CASZ1: variants seen among roughly 807,000 people sequenced by gnomAD.
CASZ1 encodes the protein castor zinc finger 1.
Under a neutral mutation model 135.2 loss-of-function variants are expected in CASZ1, and 28 were observed. The observed-to-expected ratio is 0.21, with a 90% CI of 0.15 to 0.28. CASZ1 has a LOEUF of 0.28. Among genes scored for constraint, CASZ1 ranks in the 10% least tolerant of loss-of-function variants. The pLI is 1.00. For synonymous variants in CASZ1, 1,068 were observed against 1,073.4 expected, an observed-to-expected ratio of 0.99 and a Z score of 0.10; for missense variants, 2,161 against 2,453.3, an observed-to-expected ratio of 0.88 and a Z score of 2.52.
At chr1:10,744,691 G>A (rs535431851) in intron 2 of CASZ1, among the ~76,000 whole-genome samples, 1 of 131,738 alleles carries the variant, frequency 7.6e-6, no homozygotes, top group South Asian at 2.4e-4. Context: ...GGCACCACGA[G>A]CAGGCATGTC....
rs77244263 is a variant in CASZ1 at position 10,701,888 on chromosome 1, C to G, written c.-24+3604G>C. ...AGCCCATTCCTGCCAGCCTGACAAGCCAGGCCTCAGTTTCTCCACCTCCCC... is the reference window on the plus strand; with the variant it reads ...AGCCCATTCCTGCCAGCCTGACAAGGCAGGCCTCAGTTTCTCCACCTCCCC... On this transcript the variant is annotated intron_variant, in intron 3 of 20. Coordinates refer to ENST00000377022, the MANE Select transcript of CASZ1 (RefSeq NM_001079843.3). This position sits in a 1 kb window ranked among gnomAD's most constrained non-coding sequence, Gnocchi z 6.3. Among the ~76,000 whole-genome samples, 1,161 of 152,288 alleles carry G rather than the reference C, an allele frequency of 7.6e-3. 19 individuals carry two copies. The highest frequency in any genetic ancestry group is 0.027 in the African/African-American group (1,105 of 41,576).
At chr1:10,746,085 C>A (rs1640034782) in intron 2 of CASZ1, among the ~76,000 whole-genome samples, 1 of 152,244 alleles carries the variant, frequency 6.6e-6, no homozygotes, top group Non-Finnish European at 1.5e-5. Flanking sequence ...CAACAGATGA[C>A]CTGCCTGTCG....
chr1:10,655,584 G>T, intron 9 of CASZ1, 65 bp downstream of exon 9: 2 of 1,468,640 alleles, frequency 1.4e-6, no homozygotes, highest in Non-Finnish European at 1.9e-6. Context: ...GGAGTGGGGG[G>T]CTCAGAGCCG....
intron 11 of CASZ1, 198 bp from the exon 12 acceptor site, chr1:10,651,274 A>T: frequency 6.5e-6 from 1 of 154,812 alleles, no homozygotes; most frequent in Admixed American, 9.7e-5. Context: ...TTGCAAAATT[A>T]TGTCAAAGTT....
rs770714087 is a variant in CASZ1 at position 10,657,807 on chromosome 1, CG to C, written c.1409+700del. ...AGGGCAGGCGGTGGGGGGGTGGGGGCGGGGGGTGTTATTTGTGTGATTTGGG... is the reference window on the plus strand; with the variant it reads ...AGGGCAGGCGGTGGGGGGGTGGGGGCGGGGGTGTTATTTGTGTGATTTGGG... On this transcript the variant is annotated intron_variant, in intron 7 of 20. Transcript: ENST00000377022. This position sits in a 1 kb window ranked among gnomAD's most constrained non-coding sequence, Gnocchi z 5.7. 0.052 allele frequency among the ~76,000 whole-genome samples: 426 copies of C among 8,136 alleles called. 1 individual carries two copies. The highest frequency in any genetic ancestry group is 0.07 in the Non-Finnish European group (277 of 3,980). The allele number at this position is 8,136 out of a possible 152,430, so 5.3% of individuals were successfully genotyped here. A position where few individuals can be genotyped will look rare whatever the true frequency, so the allele number is the denominator to read the frequency against.
chr1:10,643,334 C>T (rs1301411845), intron 18 of CASZ1, 23 bp from the exon 19 acceptor site: 2 of 1,610,748 alleles, frequency 1.2e-6, no homozygotes, highest in Admixed American at 1.7e-5. Context: ...CCCCACCTGG[C>T]ATGAGCCCCC....
chr1:10,665,531 G>A lies in CASZ1; in HGVS notation c.57C>T (p.Pro19=). 3 of 1,593,528 alleles carry A rather than the reference G, an allele frequency of 1.9e-6. No individual in the cohort carries two copies. Among genetic ancestry groups the A allele is most frequent in the Non-Finnish European group, 2.6e-6 (3 of 1,175,608 alleles). ...TRCTDPPAGK[P]AMAPKRKGGL... ...CACCCTTGCGTTTGGGCGCCATGGC[G>A]GGCTTGCCTGCAGGCGGGTCCGTGC... The change falls in exon 5 of 21, where the codon CCC becomes CCT. Residue 19 remains proline, a synonymous_variant. Transcript: ENST00000377022.
Position 10,739,499 on chromosome 1 carries a change from G to T in CASZ1, c.-77+21202C>A, listed in dbSNP as rs116497673. Among the ~76,000 whole-genome samples, 1 of 152,050 alleles carries T rather than the reference G, an allele frequency of 6.6e-6. No homozygotes were observed. Among genetic ancestry groups the T allele is most frequent in the Admixed American group, 6.5e-5 (1 of 15,280 alleles). ...CTGCTCTGTAATTAAGCTCAGCTGC[G>T]CCCACTCAGGCTTCCAGACCTTTCC... On this transcript the variant is annotated intron_variant, in intron 2 of 20. Coordinates refer to ENST00000377022, the MANE Select transcript of CASZ1 (RefSeq NM_001079843.3). The surrounding 1 kb of genome is among the most constrained non-coding windows in gnomAD (Gnocchi z 4.8).
intron 1 of CASZ1, among the ~76,000 whole-genome samples, chr1:10,775,085 C>T (rs1640639133): frequency 6.6e-6 from 1 of 152,028 alleles, no homozygotes; most frequent in Admixed American, 6.5e-5. Context: ...ACCAGGCAGT[C>T]GGCCAGAAAA....
chr1:10,794,640 G>A lies in CASZ1; in HGVS notation c.-234+1924C>T, dbSNP rs1006963500. Among the ~76,000 whole-genome samples, 1 of 152,152 alleles carries A rather than the reference G, an allele frequency of 6.6e-6. No individual in the cohort carries two copies. Among genetic ancestry groups the A allele is most frequent in the Non-Finnish European group, 1.5e-5 (1 of 68,012 alleles). On this transcript the variant is annotated intron_variant, in intron 1 of 20. Coordinates refer to ENST00000377022, the MANE Select transcript of CASZ1 (RefSeq NM_001079843.3). The surrounding 1 kb of genome is among the most constrained non-coding windows in gnomAD (Gnocchi z 5.6). ...AGAGGAACTTGTGTGGAGGAAGAGG[G>A]GGTCCCCTGCCTCCCTCAGCGCTCC...
chr1:10,783,821 T>A (rs1274554587), intron 1 of CASZ1, among the ~76,000 whole-genome samples: 1 of 128,786 alleles, frequency 7.8e-6, no homozygotes, highest in Non-Finnish European at 1.5e-5. Flanking sequence ...GCAGCAAGCC[T>A]AGATCGTGCC....
rs1462983067 is a variant in CASZ1 at position 10,639,082 on chromosome 1, C to T, written c.5140G>A (p.Asp1714Asn). ...EDDDEDDDDE[D>N]LRTDSEESLP... ...GACTCCTCCGAGTCGGTGCGCAGGT[C>T]CTCGTCGTCGTCGTCCTCGTCGTCG... Residue 1714 changes from aspartate to asparagine, a missense_variant, in exon 21 of 21, where the codon GAC becomes AAC. This residue lies in a region of CASZ1 where 185 missense variants were observed against 134.7 expected (regional missense o/e 1.37). Transcript: ENST00000377022. This position sits in a 1 kb window ranked among gnomAD's most constrained non-coding sequence, Gnocchi z 4.0. 2.5e-5 allele frequency: 29 copies of T among 1,144,520 alleles called. No homozygotes were observed. The highest frequency in any genetic ancestry group is 2.8e-5 in the Non-Finnish European group (25 of 908,970). The allele number at this position is 1,144,520 out of a possible 1,614,324, so 70.9% of individuals were successfully genotyped here. A position where few individuals can be genotyped will look rare whatever the true frequency, so the allele number is the denominator to read the frequency against.
chr1:10,702,174 TGCTGCTGCCTTGCTCCCCGCAG>T (rs1639075687), intron 3 of CASZ1, among the ~76,000 whole-genome samples: 2 of 152,032 alleles, frequency 1.3e-5, no homozygotes. Flanking sequence ...TGGGAGGAGC[TGCTGCTGCCTTGCTCCCCGCAG>T]GCCAGCCCTG....
rs183040637 is a variant in CASZ1 at position 10,685,444 on chromosome 1, C to A, written c.16+8430G>T. Among the ~76,000 whole-genome samples, 739 of 152,348 alleles carry A rather than the reference C, an allele frequency of 4.9e-3. 4 individuals carry two copies. Among genetic ancestry groups the A allele is most frequent in the Non-Finnish European group, 6.2e-3 (421 of 68,038 alleles). On this transcript the variant is annotated intron_variant, in intron 4 of 20. Coordinates refer to ENST00000377022, the MANE Select transcript of CASZ1 (RefSeq NM_001079843.3). ...TGATCAGAATATTCACTCATCTAGGCCCATTCCCAAGACGCATTTCCCAGC... is the reference window on the plus strand; with the variant it reads ...TGATCAGAATATTCACTCATCTAGGACCATTCCCAAGACGCATTTCCCAGC...
At chr1:10,692,522 T>G (rs72860121) in intron 4 of CASZ1, among the ~76,000 whole-genome samples, 14,915 of 152,042 alleles carry the variant, frequency 0.098, 1,816 homozygotes, top group African/African-American at 0.29. Flanking sequence ...GGTGGCAGCC[T>G]TGGCCTTAGA....
rs972797282 is a variant in CASZ1, at chr1:10,777,524, C to T, written c.-233-16667G>A. Among the ~76,000 whole-genome samples, 5 of 152,264 alleles carry T rather than the reference C, an allele frequency of 3.3e-5. No individual in the cohort carries two copies. The highest frequency in any genetic ancestry group is 3.9e-4 in the East Asian group (2 of 5,190). On this transcript the variant is annotated intron_variant, in intron 1 of 20. Coordinates refer to ENST00000377022, the MANE Select transcript of CASZ1 (RefSeq NM_001079843.3). The surrounding 1 kb of genome is among the most constrained non-coding windows in gnomAD (Gnocchi z 4.4). ...CTGGGGCAGGGGACCAAGTGATACG[C>T]GAAAAACAGACGGAAGACCCCGTTA...
chr1:10,721,181 C>T lies in CASZ1; in HGVS notation c.-76-15637G>A, dbSNP rs992425882. Among the ~76,000 whole-genome samples, 19 of 152,146 alleles carry T rather than the reference C, an allele frequency of 1.2e-4. No individual in the cohort carries two copies. On this transcript the variant is annotated intron_variant, in intron 2 of 20. Coordinates refer to ENST00000377022, the MANE Select transcript of CASZ1 (RefSeq NM_001079843.3). The surrounding 1 kb of genome is among the most constrained non-coding windows in gnomAD (Gnocchi z 5.4). ...CTTTCTGGCCAAGCTTGGCCACCAA[C>T]TCCAGACTGCACAGGGTTAACTCCA...
intron 2 of CASZ1, among the ~76,000 whole-genome samples, chr1:10,744,445 C>CAGGGGAA (rs1640002511): frequency 1.2e-4 from 1 of 8,486 alleles, no homozygotes; most frequent in South Asian, 4.9e-3. Context: ...GTCCTGGGCA[C>CAGGGGAA]CACGAGCAGG....
chr1:10,793,192 TTAAAA>T (rs1346471640), intron 1 of CASZ1, among the ~76,000 whole-genome samples: 1 of 151,762 alleles, frequency 6.6e-6, no homozygotes, highest in East Asian at 1.9e-4. Flanking sequence ...AATAGCTTTT[TTAAAA>T]GATTGGACTC....
Sources: allele counts gnomAD v4.1 joint callset (sites outside exome capture counted in the v4.1 genomes callset), GRCh38; gene constraint gnomAD v4.1.1; regional missense constraint gnomAD v4.1.1; non-coding constraint Gnocchi (gnomAD v3.1); transcripts MANE v1.5; gene names NCBI Gene and HGNC (gene_info 2026-07-23, HGNC 2026-07-21).